CWC27: variants seen among roughly 807,000 people sequenced by gnomAD.
CWC27 encodes spliceosome-associated protein CWC27 homolog.
In CWC27, 47 loss-of-function variants were observed where a neutral mutation model predicts 63.6. The ratio of observed to expected loss-of-function variants is 0.74; its 90% CI spans 0.58 to 0.94. The LOEUF (loss-of-function observed/expected upper bound fraction) is 0.94. CWC27 is among the 40% of genes least tolerant of loss of function. The pLI is 0.00. For synonymous variants in CWC27, 175 were observed against 179.8 expected, an observed-to-expected ratio of 0.97 and a Z score of 0.22; for missense variants, 495 against 554.3, an observed-to-expected ratio of 0.89 and a Z score of 1.07.
intron 11 of CWC27, among the ~76,000 whole-genome samples, chr5:64,893,906 G>A (rs1374707661): frequency 1.3e-5 from 2 of 149,704 alleles, no homozygotes; most frequent in African/African-American, 4.9e-5. Flanking sequence ...CAGTCCTGAA[G>A]GGATCATCTG....
At chr5:64,806,121 T>C (rs922008987) in intron 10 of CWC27, among the ~76,000 whole-genome samples, 2 of 151,540 alleles carry the variant, frequency 1.3e-5, no homozygotes, top group African/African-American at 4.8e-5. Context: ...TTAGTTTTTA[T>C]GGTAATTTCT....
intron 10 of CWC27, among the ~76,000 whole-genome samples, chr5:64,859,790 TTA>T (rs1746354571): frequency 6.6e-6 from 1 of 152,214 alleles, no homozygotes; most frequent in African/African-American, 2.4e-5. Context: ...GATTCTATTA[TTA>T]TGAGTGCTTA....
At chr5:64,980,750 G>A (rs1456237136) in intron 13 of CWC27, among the ~76,000 whole-genome samples, 1 of 151,982 alleles carries the variant, frequency 6.6e-6, no homozygotes, top group South Asian at 2.1e-4. Flanking sequence ...ACCAACAATT[G>A]CATGGTTGCC....
At chr5:65,012,735 TGAGTAGTTTGTCATTAG>T (rs1377870076) in intron 13 of CWC27, among the ~76,000 whole-genome samples, 3 of 152,212 alleles carry the variant, frequency 2.0e-5, no homozygotes, top group Non-Finnish European at 4.4e-5. Flanking sequence ...TGAGTTTCTT[TGAGTAGTTTGTCATTAG>T]GAACCAGCTG....
intron 11 of CWC27, among the ~76,000 whole-genome samples, chr5:64,928,207 C>T (rs111833618): frequency 0.011 from 1,649 of 151,056 alleles, 25 homozygotes; most frequent in African/African-American, 0.038. Context: ...TTTCCTCAGT[C>T]TGCATATTCC....
At chr5:64,976,149 T>C (rs1229351991) in intron 12 of CWC27, among the ~76,000 whole-genome samples, 2 of 152,220 alleles carry the variant, frequency 1.3e-5, no homozygotes, top group Non-Finnish European at 2.9e-5. Context: ...TAGTTTCTTA[T>C]TGATAGACAT....
chr5:64,891,951 C>T (rs1336341880), intron 11 of CWC27, among the ~76,000 whole-genome samples: 4 of 152,112 alleles, frequency 2.6e-5, no homozygotes, highest in African/African-American at 4.8e-5. Flanking sequence ...CGCACCGCCA[C>T]ACCTGGCTGA....
chr5:64,937,729 A>C (rs1212284394), intron 11 of CWC27, among the ~76,000 whole-genome samples: 3 of 152,136 alleles, frequency 2.0e-5, no homozygotes, highest in Admixed American at 1.3e-4. Context: ...TGGGAGTCTA[A>C]ATCTCTTTGT....
chr5:65,004,765 C>T (rs1749797470), intron 13 of CWC27, among the ~76,000 whole-genome samples: 1 of 147,392 alleles, frequency 6.8e-6, no homozygotes, highest in Admixed American at 6.8e-5. Flanking sequence ...CTTGCTTTTT[C>T]ATGTTTCTTG....
intron 11 of CWC27, among the ~76,000 whole-genome samples, chr5:64,950,673 T>G (rs1323398761): frequency 6.6e-6 from 1 of 151,992 alleles, no homozygotes; most frequent in African/African-American, 2.4e-5. Flanking sequence ...CAATTTTAAG[T>G]AGGCAATTCA....
chr5:64,812,297 T>G (rs1704040696), intron 10 of CWC27, among the ~76,000 whole-genome samples: 1 of 152,078 alleles, frequency 6.6e-6, no homozygotes, highest in African/African-American at 2.4e-5. Flanking sequence ...CCATTGAAAT[T>G]ATCATCTCTA....
intron 13 of CWC27, among the ~76,000 whole-genome samples, chr5:65,013,748 A>G (rs1049714677): frequency 2.0e-5 from 3 of 152,182 alleles, no homozygotes; most frequent in Non-Finnish European, 4.4e-5. Context: ...ACCTGCAACA[A>G]TCGTAGGGTT....
chr5:64,772,951 G>C (rs921297002), intron 1 of CWC27, among the ~76,000 whole-genome samples: 1 of 148,420 alleles, frequency 6.7e-6, no homozygotes, highest in Non-Finnish European at 1.5e-5. Context: ...AAAAAAAAAG[G>C]CACTTTTTTG....
chr5:64,800,371 C>T, intron 8 of CWC27, 44 bp downstream of exon 8: 1 of 1,425,864 alleles, frequency 7.0e-7, no homozygotes. Context: ...AATTTTCTGG[C>T]TCAGATAATT....
At chr5:64,918,863 C>T (rs1747940498) in intron 11 of CWC27, among the ~76,000 whole-genome samples, 1 of 152,272 alleles carries the variant, frequency 6.6e-6, no homozygotes, top group Admixed American at 6.5e-5. Flanking sequence ...ACCCACCCAC[C>T]TCCACGTCCA....
intron 1 of CWC27, among the ~76,000 whole-genome samples, chr5:64,770,104 G>C (rs1201810273): frequency 2.0e-5 from 3 of 152,226 alleles, no homozygotes; most frequent in African/African-American, 7.2e-5. Flanking sequence ...TTTGTTACAT[G>C]ATTGCATCAT....
intron 11 of CWC27, among the ~76,000 whole-genome samples, chr5:64,885,900 C>T (rs774693091): frequency 6.6e-6 from 1 of 151,892 alleles, no homozygotes; most frequent in Non-Finnish European, 1.5e-5. Flanking sequence ...TTAAAGGTTG[C>T]CATAGCATCT....
At chr5:64,960,434 G>A (rs1252625614) in intron 11 of CWC27, among the ~76,000 whole-genome samples, 1 of 152,014 alleles carries the variant, frequency 6.6e-6, no homozygotes, top group Non-Finnish European at 1.5e-5. Flanking sequence ...TCAGTTACCA[G>A]TGTCTGGCAT....
chr5:64,820,093 G>T (rs769683551), intron 10 of CWC27, among the ~76,000 whole-genome samples: 1 of 152,186 alleles, frequency 6.6e-6, no homozygotes, highest in Non-Finnish European at 1.5e-5. Context: ...AAGAGTGTTT[G>T]AAAGTTGATG....
Sources: allele counts gnomAD v4.1 joint callset (sites outside exome capture counted in the v4.1 genomes callset), GRCh38; gene constraint gnomAD v4.1.1; transcripts MANE v1.5; gene names NCBI Gene and HGNC (gene_info 2026-07-23, HGNC 2026-07-21).